DNM3: variants seen among roughly 807,000 people sequenced by gnomAD.
DNM3 encodes the protein dynamin-3.
Under a neutral mutation model 101.6 loss-of-function variants are expected in DNM3, and 47 were observed. The observed-to-expected ratio is 0.46, with a 90% CI of 0.37 to 0.59. The LOEUF (loss-of-function observed/expected upper bound fraction) is 0.59. Ranked by LOEUF, DNM3 falls within the 20% of genes least tolerant of loss-of-function variation. DNM3 has a pLI of 0.00. For synonymous variants in DNM3, 385 were observed against 387.9 expected (o/e 0.99, Z 0.09); for missense variants, 849 against 1,085.7 (o/e 0.78, Z 3.06).
intron 9 of DNM3, among the ~76,000 whole-genome samples, chr1:172,047,396 T>A (rs2049894633): frequency 6.6e-6 from 1 of 152,180 alleles, no homozygotes; most frequent in South Asian, 2.1e-4. Context: ...GCTTTGCATC[T>A]GGGCTTTAAA....
At chr1:171,913,344 T>C (rs1354624082) in intron 1 of DNM3, among the ~76,000 whole-genome samples, 1 of 152,196 alleles carries the variant, frequency 6.6e-6, no homozygotes, top group African/African-American at 2.4e-5. Flanking sequence ...AAAATTATGA[T>C]GGTATTGAGT....
intron 15 of DNM3, among the ~76,000 whole-genome samples, chr1:172,294,911 CA>C (rs57685535): frequency 0.066 from 5,713 of 86,986 alleles, 120 homozygotes; most frequent in African/African-American, 0.11. Flanking sequence ...GACTTTGTCT[CA>C]AAAAAAAAAA....
intron 4 of DNM3, among the ~76,000 whole-genome samples, chr1:172,013,162 A>G (rs1448568257): frequency 6.6e-6 from 1 of 151,966 alleles, no homozygotes; most frequent in Non-Finnish European, 1.5e-5. Flanking sequence ...AGTGTTCCAG[A>G]TTACTTTTCT....
chr1:171,960,742 C>CATG (rs1321531578), intron 2 of DNM3, among the ~76,000 whole-genome samples: 9 of 152,240 alleles, frequency 5.9e-5, no homozygotes, highest in African/African-American at 2.2e-4. Flanking sequence ...TCCCAAGAGC[C>CATG]ATGAGCTCAG....
chr1:172,139,143 A>G, intron 14 of DNM3: 1 of 314,594 alleles, frequency 3.2e-6, no homozygotes, highest in South Asian at 2.5e-5. Flanking sequence ...TCACATTAAA[A>G]TTTTAAGGAA....
intron 9 of DNM3, among the ~76,000 whole-genome samples, chr1:172,046,218 T>C (rs896423751): frequency 6.6e-6 from 1 of 152,068 alleles, no homozygotes; most frequent in Non-Finnish European, 1.5e-5. Context: ...TGGAATACTA[T>C]GCAGCCATAA....
At chr1:171,911,658 C>T (rs1558252974) in intron 1 of DNM3, among the ~76,000 whole-genome samples, 1 of 152,172 alleles carries the variant, frequency 6.6e-6, no homozygotes, top group Non-Finnish European at 1.5e-5. Flanking sequence ...TATCCACGCT[C>T]TTCTTTTCCA....
chr1:172,308,782 T>C lies in DNM3; in HGVS notation c.1824T>C (p.Asp608=). 1 of 1,610,780 alleles carries C rather than the reference T, an allele frequency of 6.2e-7. No homozygotes were observed. The highest frequency in any genetic ancestry group is 8.5e-7 in the Non-Finnish European group (1 of 1,178,608). ...FLELACDSQE[D]VDSWKASLLR... is the part of the protein sequence containing the mutation. ...AGCTGGCATGTGATTCCCAGGAGGA[T>C]GTCGACAGCTGGAAGGCATCTCTAC... The change falls in exon 16 of 21, where the codon GAT becomes GAC. Residue 608 remains aspartate (D), a synonymous_variant. Coordinates refer to ENST00000627582, the MANE Select transcript of DNM3 (RefSeq NM_015569.5).
At chr1:172,038,988 A>G (rs1328935454) in intron 7 of DNM3, among the ~76,000 whole-genome samples, 2 of 151,822 alleles carry the variant, frequency 1.3e-5, no homozygotes, top group Non-Finnish European at 2.9e-5. Flanking sequence ...TTGAAAATGT[A>G]AATGTGAAAC....
At chr1:172,062,145 G>T (rs961163524) in intron 10 of DNM3, among the ~76,000 whole-genome samples, 1 of 151,994 alleles carries the variant, frequency 6.6e-6, no homozygotes. Flanking sequence ...ATTTACCATG[G>T]TCCCTGATTT....
intron 14 of DNM3, among the ~76,000 whole-genome samples, chr1:172,148,186 C>T (rs575813543): frequency 7.9e-4 from 120 of 152,112 alleles, no homozygotes; most frequent in African/African-American, 2.6e-3. Flanking sequence ...TTATCTGCTG[C>T]GCTTTCACAG....
intron 17 of DNM3, among the ~76,000 whole-genome samples, chr1:172,332,645 A>G (rs534902946): frequency 8.3e-4 from 127 of 152,242 alleles, no homozygotes; most frequent in African/African-American, 2.9e-3. Flanking sequence ...TCACTGCAGG[A>G]CCCAGGCCAG....
At chr1:171,848,948 G>T (rs2032572083) in intron 1 of DNM3, among the ~76,000 whole-genome samples, 1 of 152,060 alleles carries the variant, frequency 6.6e-6, no homozygotes, top group Admixed American at 6.6e-5. Context: ...ATTTCCAAGG[G>T]TTTAAAATGT....
intron 2 of DNM3, among the ~76,000 whole-genome samples, chr1:171,952,691 A>C (rs2042605263): frequency 1.3e-5 from 2 of 152,202 alleles, no homozygotes; most frequent in South Asian, 2.1e-4. Flanking sequence ...AATTTAGTAC[A>C]TGGAATTTAT....
At chr1:172,334,447 C>G (rs901179621) in intron 17 of DNM3, among the ~76,000 whole-genome samples, 1 of 152,122 alleles carries the variant, frequency 6.6e-6, no homozygotes, top group African/African-American at 2.4e-5. Context: ...AGGACATCCT[C>G]TACAACAAAG....
intron 14 of DNM3, among the ~76,000 whole-genome samples, chr1:172,218,878 A>AG: frequency 6.6e-6 from 1 of 152,300 alleles, no homozygotes; most frequent in Middle Eastern, 3.4e-3. Context: ...TTCTCTTTGA[A>AG]GTAGAGGTAA....
intron 9 of DNM3, among the ~76,000 whole-genome samples, chr1:172,046,419 G>T (rs868471164): frequency 4.6e-5 from 7 of 152,030 alleles, no homozygotes; most frequent in African/African-American, 9.7e-5. Context: ...GTGGGAGTAG[G>T]GGGGAGGGAT....
chr1:172,353,470 G>GA (rs2067285982), intron 17 of DNM3, among the ~76,000 whole-genome samples: 2 of 152,044 alleles, frequency 1.3e-5, no homozygotes, highest in South Asian at 4.2e-4. Flanking sequence ...ATCTAATGTT[G>GA]AAAACAAGTA....
intron 2 of DNM3, among the ~76,000 whole-genome samples, chr1:171,922,387 C>G (rs1050455357): frequency 2.0e-4 from 30 of 149,264 alleles, no homozygotes; most frequent in African/African-American, 6.2e-4. Context: ...ATTTGTATTT[C>G]TTCTCTCGTG....
Sources: allele counts gnomAD v4.1 joint callset (sites outside exome capture counted in the v4.1 genomes callset), GRCh38; gene constraint gnomAD v4.1.1; transcripts MANE v1.5; gene names NCBI Gene and HGNC (gene_info 2026-07-23, HGNC 2026-07-21).